The following CDH11 variants were observed in gnomAD, a reference collection of about 807,000 sequenced individuals.
The protein encoded by CDH11 is cadherin-11.
A neutral mutation model predicts 67.8 loss-of-function variants in CDH11; 11 were observed. The observed-to-expected ratio is 0.16, with a 90% CI of 0.10 to 0.27. The LOEUF is 0.27. Among genes scored for constraint, CDH11 ranks in the 10% least tolerant of loss-of-function variants. The pLI is 1.00. For missense variants in CDH11, 847 were observed against 1,031.2 expected (o/e 0.82, Z 2.45); for synonymous variants, 419 against 400.0 (o/e 1.05, Z -0.57).
At chr16:65,099,785 C>A (rs2074960249) in intron 1 of CDH11, among the ~76,000 whole-genome samples, 1 of 152,148 alleles carries the variant, frequency 6.6e-6, no homozygotes, top group Non-Finnish European at 1.5e-5. Context: ...CAAGTCATAA[C>A]TTGTCCTCAT....
chr16:65,043,314 G>A (rs2073898651), intron 2 of CDH11, among the ~76,000 whole-genome samples: 1 of 151,432 alleles, frequency 6.6e-6, no homozygotes, highest in African/African-American at 2.5e-5. Flanking sequence ...GATTATCTGG[G>A]ACGCTGACTC....
At chr16:65,057,559 T>A (rs1412275708) in intron 1 of CDH11, among the ~76,000 whole-genome samples, 1 of 152,032 alleles carries the variant, frequency 6.6e-6, no homozygotes, top group East Asian at 1.9e-4. Flanking sequence ...AGGAAGACAG[T>A]CAGTGGAGGA....
intron 1 of CDH11, among the ~76,000 whole-genome samples, chr16:65,056,512 G>A (rs865878542): frequency 6.6e-6 from 1 of 152,308 alleles, no homozygotes; most frequent in South Asian, 2.1e-4. Flanking sequence ...ATGTAACTCA[G>A]CAATAGATAA....
chr16:65,102,025 T>C (rs1046054250), intron 1 of CDH11, among the ~76,000 whole-genome samples: 1 of 152,214 alleles, frequency 6.6e-6, no homozygotes, highest in African/African-American at 2.4e-5. Flanking sequence ...TCATACAATA[T>C]AGACATGTAT....
intron 4 of CDH11, among the ~76,000 whole-genome samples, chr16:64,994,981 C>T (rs957048378): frequency 6.6e-6 from 1 of 152,050 alleles, no homozygotes; most frequent in African/African-American, 2.4e-5. Context: ...ACAATAAAAT[C>T]CTAGGAATAC....
At chr16:65,014,196 A>T (rs534346079) in intron 2 of CDH11, among the ~76,000 whole-genome samples, 52 of 152,318 alleles carry the variant, frequency 3.4e-4, no homozygotes, top group African/African-American at 4.8e-4. Flanking sequence ...TACAATAGAG[A>T]TTGCTAAATG....
intron 2 of CDH11, among the ~76,000 whole-genome samples, chr16:65,009,997 G>C (rs2073142678): frequency 6.6e-6 from 1 of 152,174 alleles, no homozygotes; most frequent in South Asian, 2.1e-4. Flanking sequence ...AGTATATTTG[G>C]ACTCCTGCTG....
At chr16:65,122,126 G>T, upstream of CDH11, 1 of 519,232 alleles carries the variant, frequency 1.9e-6, no homozygotes, top group Non-Finnish European at 3.4e-6. Flanking sequence ...GCGGGCAGGC[G>T]GGTGCGGGGC....
At chr16:65,070,789 A>C (rs148439865) in intron 1 of CDH11, among the ~76,000 whole-genome samples, 1 of 152,364 alleles carries the variant, frequency 6.6e-6, no homozygotes, top group Non-Finnish European at 1.5e-5. Flanking sequence ...AAATAGGTAC[A>C]AATGAATAAC....
chr16:64,982,401 G>C, intron 7 of CDH11, 100 bp from the exon 8 acceptor site: 1 of 909,648 alleles, frequency 1.1e-6, no homozygotes, highest in Non-Finnish European at 1.7e-6. Context: ...ATTCCTCAAA[G>C]AGAGAAAATC....
intron 3 of CDH11, among the ~76,000 whole-genome samples, chr16:65,003,744 C>T (rs1781595018): frequency 1.3e-5 from 2 of 152,282 alleles, no homozygotes; most frequent in South Asian, 4.1e-4. Context: ...AGTCATCTCA[C>T]TGGGTTTTAC....
At chr16:65,122,496 C>G (rs1374306005), upstream of CDH11, 1 of 160,768 alleles carries the variant, frequency 6.2e-6, no homozygotes, top group African/African-American at 2.4e-5. Context: ...AGGCTGGGCT[C>G]TCGCCTGGCG....
At chr16:65,018,717 T>C (rs1204045685) in intron 2 of CDH11, among the ~76,000 whole-genome samples, 1 of 152,230 alleles carries the variant, frequency 6.6e-6, no homozygotes, top group Admixed American at 6.5e-5. Flanking sequence ...ATTCCTGTTT[T>C]GCTCAATATT....
chr16:65,008,623 A>G (rs555016761), intron 2 of CDH11, among the ~76,000 whole-genome samples: 29 of 152,322 alleles, frequency 1.9e-4, no homozygotes, highest in African/African-American at 6.7e-4. Flanking sequence ...CACATTAAAC[A>G]ACTTATGCAG....
At chr16:65,067,228 G>T (rs1357837170) in intron 1 of CDH11, among the ~76,000 whole-genome samples, 1 of 151,466 alleles carries the variant, frequency 6.6e-6, no homozygotes, top group African/African-American at 2.4e-5. Flanking sequence ...ACGAATCCAG[G>T]AGTTAAATGA....
chr16:65,120,276 T>C (rs1279829650), intron 1 of CDH11, among the ~76,000 whole-genome samples: 3 of 152,154 alleles, frequency 2.0e-5, no homozygotes, highest in South Asian at 4.1e-4. Flanking sequence ...CATGCGATGC[T>C]ACAGGATCCT....
At chr16:65,090,522 A>AAC (rs781596036) in intron 1 of CDH11, among the ~76,000 whole-genome samples, 3 of 152,142 alleles carry the variant, frequency 2.0e-5, no homozygotes, top group Non-Finnish European at 4.4e-5. Context: ...ACCATGGGCA[A>AAC]ACAACTCCCC....
At chr16:64,992,756 A>G (rs559104585) in intron 5 of CDH11, among the ~76,000 whole-genome samples, 159 bp downstream of exon 5, 1 of 152,398 alleles carries the variant, frequency 6.6e-6, no homozygotes, top group South Asian at 2.1e-4. Flanking sequence ...ACTGTGTGAT[A>G]GGCACAGGCC....
At chr16:65,053,725 A>G (rs2074096555) in intron 2 of CDH11, 79 bp downstream of exon 2, 1 of 438,550 alleles carries the variant, frequency 2.3e-6, no homozygotes, top group South Asian at 1.6e-5. Context: ...CACATTTGAG[A>G]CACAGACCCA....
Sources: allele counts gnomAD v4.1 joint callset (sites outside exome capture counted in the v4.1 genomes callset), GRCh38; gene constraint gnomAD v4.1.1; transcripts MANE v1.5; gene names NCBI Gene and HGNC (gene_info 2026-07-23, HGNC 2026-07-21).